THSD4: variants seen among roughly 807,000 people sequenced by gnomAD.
THSD4 encodes the protein thrombospondin type-1 domain-containing protein 4.
In THSD4, 69 loss-of-function variants were observed where a neutral mutation model predicts 119.0. The ratio of observed to expected loss-of-function variants is 0.58; its 90% CI spans 0.48 to 0.71. THSD4 has a LOEUF of 0.71. Ranked by LOEUF, THSD4 falls within the 30% of genes least tolerant of loss-of-function variation. THSD4 has a pLI of 0.00. For missense variants in THSD4, 1,393 were observed against 1,391.1 expected (o/e 1.00, Z -0.02); for synonymous variants, 524 against 540.4 (o/e 0.97, Z 0.42).
intron 1 of THSD4, among the ~76,000 whole-genome samples, chr15:71,135,991 GT>G (rs10540241): frequency 0.5 from 34,369 of 68,490 alleles, 9,054 homozygotes; most frequent in East Asian, 0.75. Context: ...GTTTAGTTTA[GT>G]TTTTTTTTTT....
At chr15:71,730,693 G>A (rs1344159421) in intron 9 of THSD4, 1 of 156,234 alleles carries the variant, frequency 6.4e-6, no homozygotes, top group African/African-American at 2.4e-5. Context: ...ATCCCGGGGT[G>A]GCTCTGTCCA....
chr15:71,706,123 T>A (rs920256214), intron 8 of THSD4, among the ~76,000 whole-genome samples: 2 of 152,206 alleles, frequency 1.3e-5, no homozygotes, highest in South Asian at 4.1e-4. Context: ...TTTTTTCTAT[T>A]CAGCACTCTC....
At chr15:71,254,731 C>T (rs1382815245) in intron 5 of THSD4, among the ~76,000 whole-genome samples, 2 of 152,120 alleles carry the variant, frequency 1.3e-5, no homozygotes, top group African/African-American at 2.4e-5. Flanking sequence ...TTCATGGAGA[C>T]AGCTGGTGTT....
At chr15:71,570,462 A>G (rs777237119) in intron 7 of THSD4, among the ~76,000 whole-genome samples, 4 of 151,290 alleles carry the variant, frequency 2.6e-5, no homozygotes, top group Non-Finnish European at 4.4e-5. Context: ...GCTAAAGTAC[A>G]GTGGCGCCAT....
chr15:71,771,215 A>G lies in THSD4; in HGVS notation c.2914+7A>G, dbSNP rs745642225. 7 of 1,612,700 alleles carry G rather than the reference A, an allele frequency of 4.3e-6. No homozygotes were observed. In the South Asian group the frequency reaches 7.7e-5, roughly 18 times the overall value. ...GACTGTGTCCCTGAAGTTGGTAAGT[A>G]GAGATTTCAATCATGGGGGAAAGGT... On this transcript the variant is annotated splice_region_variant and intron_variant, in intron 17 of 17. Coordinates refer to ENST00000261862, the MANE Select transcript of THSD4 (RefSeq NM_024817.3).
chr15:71,120,173 C>G lies in THSD4; in HGVS notation c.-80+4475C>G, dbSNP rs111566689. Among the ~76,000 whole-genome samples, 70 of 152,306 alleles carry G rather than the reference C, an allele frequency of 4.6e-4. 2 individuals are homozygous for G. Among genetic ancestry groups the G allele is most frequent in the African/African-American group, 1.6e-3 (67 of 41,582 alleles). ...TATTCAAACCCAGCAAATGAACACTCCCAGCTGCGCGGTGATAGTAATAAT... is the reference window on the plus strand; with the variant it reads ...TATTCAAACCCAGCAAATGAACACTGCCAGCTGCGCGGTGATAGTAATAAT... On this transcript the variant is annotated intron_variant, in intron 1 of 17. Coordinates refer to ENST00000261862, the MANE Select transcript of THSD4 (RefSeq NM_024817.3).
chr15:71,367,901 C>A (rs1242588911), intron 6 of THSD4, among the ~76,000 whole-genome samples: 1 of 152,224 alleles, frequency 6.6e-6, no homozygotes, highest in Non-Finnish European at 1.5e-5. Flanking sequence ...GTCCCACCAA[C>A]AGTGTAAAAG....
At chr15:71,531,788 T>C (rs903575681) in intron 7 of THSD4, among the ~76,000 whole-genome samples, 1 of 152,264 alleles carries the variant, frequency 6.6e-6, no homozygotes, top group Non-Finnish European at 1.5e-5. Context: ...CTCTTTGTTC[T>C]GAGTTAGTCT....
At chr15:71,406,111 GT>G (rs111863619) in intron 6 of THSD4, among the ~76,000 whole-genome samples, 111 of 146,378 alleles carry the variant, frequency 7.6e-4, no homozygotes, top group African/African-American at 2.4e-3. Context: ...ATTTTCCTGT[GT>G]TTTTTTTTTC....
At chr15:71,262,337 C>T (rs190801030) in intron 6 of THSD4, among the ~76,000 whole-genome samples, 41 of 152,254 alleles carry the variant, frequency 2.7e-4, no homozygotes, top group African/African-American at 9.9e-4. Flanking sequence ...TCCCAGTTCA[C>T]CCAGGACAGT....
rs888713608 is a variant in THSD4, at chr15:71,278,042, C to T, written c.1015+21327C>T. Among the ~76,000 whole-genome samples the T allele has an allele frequency of 2.0e-5, 3 of 152,226 alleles. No homozygotes were observed. The South Asian group carries it at 6.2e-4, about 31-fold the overall frequency. On this transcript the variant is annotated intron_variant, in intron 6 of 17. Coordinates refer to ENST00000261862, the MANE Select transcript of THSD4 (RefSeq NM_024817.3). The stretch of plus-strand genomic sequence containing the variant: ...AAATACCACCACTACTGCCTCCCGC[C>T]AGCACTCCGCCTTGTGAGGAAAGCA...
intron 6 of THSD4, chr15:71,341,606 A>T (rs757606751): frequency 1.6e-5 from 25 of 1,592,628 alleles, no homozygotes; most frequent in Non-Finnish European, 2.1e-5. Context: ...CATACCCTTG[A>T]TGGCCTGAGC....
chr15:71,388,647 T>G (rs975690589), intron 6 of THSD4, among the ~76,000 whole-genome samples: 10 of 145,410 alleles, frequency 6.9e-5, no homozygotes, highest in African/African-American at 2.5e-4. Flanking sequence ...GAGTATTGAT[T>G]TGATTCTTTG....
chr15:71,324,248 A>G (rs887190868), intron 6 of THSD4, among the ~76,000 whole-genome samples: 6 of 151,816 alleles, frequency 4.0e-5, no homozygotes, highest in African/African-American at 1.2e-4. Context: ...CGCATGCACG[A>G]TAGCGCCGTA....
chr15:71,578,350 A>G (rs2049495193), intron 7 of THSD4, among the ~76,000 whole-genome samples: 1 of 152,084 alleles, frequency 6.6e-6, no homozygotes, highest in Non-Finnish European at 1.5e-5. Flanking sequence ...TTGCTAATTT[A>G]TAGCAAGGAT....
chr15:71,267,633 G>T (rs2044478421), intron 6 of THSD4, among the ~76,000 whole-genome samples: 2 of 152,164 alleles, frequency 1.3e-5, no homozygotes. Context: ...AAATGTAAAT[G>T]GGCTAAATGC....
At chr15:71,623,849 G>T (rs2050460904) in intron 7 of THSD4, among the ~76,000 whole-genome samples, 2 of 151,264 alleles carry the variant, frequency 1.3e-5, no homozygotes, top group Admixed American at 6.6e-5. Flanking sequence ...CTTGAACCTG[G>T]GAGGTGGAGG....
chr15:71,775,286 T>A (rs555590960), intron 17 of THSD4, among the ~76,000 whole-genome samples: 2 of 152,364 alleles, frequency 1.3e-5, no homozygotes, highest in South Asian at 4.1e-4. Flanking sequence ...ATTATCTAAA[T>A]ATATTTATGA....
chr15:71,733,174 C>T (rs1036361469), intron 10 of THSD4: 2 of 152,162 alleles, frequency 1.3e-5, no homozygotes, highest in African/African-American at 4.8e-5. Context: ...CATGGGGGTT[C>T]TGGGATCAGC....
Sources: gnomAD v4.1 joint callset for allele counts (sites outside exome capture counted in the v4.1 genomes callset) on GRCh38, gnomAD v4.1.1 for gene constraint, MANE v1.5 for transcripts, NCBI Gene and HGNC (gene_info 2026-07-23, HGNC 2026-07-21) for gene names.